CASKIN1: variants seen among roughly 807,000 people sequenced by gnomAD.
CASKIN1 encodes the protein caskin-1.
CASKIN1 carries 42 observed loss-of-function variants against 117.5 expected under a neutral mutation model. That is an observed-to-expected ratio of 0.36 (90% confidence interval 0.28 to 0.46). The LOEUF (loss-of-function observed/expected upper bound fraction) is 0.46, where lower values mean the gene tolerates loss of function less well. CASKIN1 is among the 20% of genes least tolerant of loss of function. The pLI is 1.00. For synonymous variants in CASKIN1, 1,148 were observed against 961.7 expected (o/e 1.19, Z -3.59); for missense variants, 2,083 against 2,077.3 (o/e 1.00, Z -0.05).
In CASKIN1 at chr16:2,179,238, G is replaced by A; in HGVS notation, c.3863C>T (p.Ala1288Val). Residue 1288 changes from alanine (A) to valine (V), a missense_variant, in exon 19 of 20, where the codon GCG becomes GTG. Ala to Val is a moderately conservative substitution (Grantham distance 64). This residue lies in a region of CASKIN1 where 1,818 missense variants were observed against 1,688.9 expected (regional missense o/e 1.08). Coordinates refer to ENST00000343516, the MANE Select transcript of CASKIN1 (RefSeq NM_020764.4). The surrounding 1 kb of genome is among the most constrained non-coding windows in gnomAD (Gnocchi z 5.8). ...GCCGGCGCTGCCCGAAGGCAGCCCC[G>A]CGACCGCCTTGACGGGCTTGGGCGC... is the stretch of plus-strand genomic sequence containing the variant. ...PTAPKPVKAVAGLPSGSAGPS... is the reference protein window; with the variant it reads ...PTAPKPVKAVVGLPSGSAGPS... The A allele has an allele frequency of 8.4e-7, 1 of 1,195,872 alleles. No individual in the cohort carries two copies. The highest frequency in any genetic ancestry group is 3.3e-4 in the Middle Eastern group (1 of 2,992). 74.1% of individuals were successfully genotyped at this position (1,195,872 alleles called of 1,614,324 possible). A position where few individuals can be genotyped will look rare whatever the true frequency, so the allele number is the denominator to read the frequency against.
chr16:2,181,249 G>A lies in CASKIN1; in HGVS notation c.2119C>T (p.Gln707Ter). The change falls in exon 18 of 20, where the codon CAG becomes TAG. Residue 707 changes from glutamine (Q) to a stop codon, truncating the protein, a stop_gained. Coordinates refer to ENST00000343516, the MANE Select transcript of CASKIN1 (RefSeq NM_020764.4). LOFTEE classifies it high-confidence loss of function. The part of the protein sequence containing the change: ...GGRARHMSSS[Q>*]ELLGDGPPGP... Reference sequence around the variant, plus strand: ...GGGGGCCCATCTCCCAGCAGCTCCTGCGAGCTGCTCATGTGCCGTGCCCGA... The same window carrying A: ...GGGGGCCCATCTCCCAGCAGCTCCTACGAGCTGCTCATGTGCCGTGCCCGA... 6.3e-7 allele frequency: 1 copy of A among 1,598,418 alleles called. No homozygotes were observed.
At position 2,183,884 on chromosome 16, in the gene CASKIN1, TG is replaced by T; in HGVS notation, c.1473del (p.Asn492ThrfsTer15). On this transcript the variant is annotated frameshift_variant, in exon 15 of 20. Transcript: ENST00000343516. LOFTEE classifies it high-confidence loss of function. ...AGGTCGTAGCCGGCGCTGATGAAGT[TG>T]GGGGCGTAGAGCTGCAGCTGGAACG... is the stretch of plus-strand genomic sequence containing the variant. The part of the protein sequence containing the change: ...LTAFQLQLYA[P>X]NFISAGYDLP... 2 of 1,612,238 alleles carry T rather than the reference TG, an allele frequency of 1.2e-6. No homozygotes were observed.
At chr16:2,194,735 C>G (rs958954710) in intron 1 of CASKIN1, among the ~76,000 whole-genome samples, 1 of 152,138 alleles carries the variant, frequency 6.6e-6, no homozygotes, top group Non-Finnish European at 1.5e-5. Context: ...TCCCAGAGGC[C>G]AGGCAAGACA....
chr16:2,196,404 G>A lies in CASKIN1; in HGVS notation c.29C>T (p.Ala10Val). 1.5e-6 allele frequency: 2 copies of A among 1,363,768 alleles called. No individual in the cohort carries two copies. The highest frequency in any genetic ancestry group is 2.3e-5 in the Admixed American group (1 of 42,832). 84.5% of individuals were successfully genotyped at this position (1,363,768 alleles called of 1,614,324 possible). MGKEQELVQ[A>V]VKAEDVGTAQ... ...GGTCCCTACGTCCTCCGCCTTCACCGCCTGCACCAGCTCCTGCTCCTTCCC... is the reference window on the plus strand; with the variant it reads ...GGTCCCTACGTCCTCCGCCTTCACCACCTGCACCAGCTCCTGCTCCTTCCC... The change falls in exon 1 of 20, where the codon GCG becomes GTG. Residue 10 changes from alanine to valine, a missense_variant. Coordinates refer to ENST00000343516, the MANE Select transcript of CASKIN1 (RefSeq NM_020764.4). The surrounding 1 kb of genome is among the most constrained non-coding windows in gnomAD (Gnocchi z 5.7).
intron 1 of CASKIN1, among the ~76,000 whole-genome samples, chr16:2,194,197 T>A (rs2093209170): frequency 6.6e-6 from 1 of 152,096 alleles, no homozygotes; most frequent in African/African-American, 2.4e-5. Context: ...CTCAGGGGTG[T>A]CCTCCACGGC....
chr16:2,177,893 G>A lies in CASKIN1; in HGVS notation c.*657C>T, dbSNP rs1344037077. 3 of 318,722 alleles carry A rather than the reference G, an allele frequency of 9.4e-6. No homozygotes were observed. Among genetic ancestry groups the A allele is most frequent in the East Asian group, 1.2e-4 (2 of 16,932 alleles). The allele number at this position is 318,722 out of a possible 1,614,324, so 19.7% of individuals were successfully genotyped here. On this transcript the variant is annotated 3_prime_UTR_variant, in exon 20 of 20. Transcript: ENST00000343516. ...CCCCGGGCCCCAGCCTTCCACCTGT[G>A]CTAGCAGCCTGGGGCCTCCACTCTG...
Position 2,184,979 on chromosome 16 carries a change from G to T in CASKIN1, c.1296C>A (p.Ser432Arg). The T allele has an allele frequency of 6.2e-7, 1 of 1,606,720 alleles. No homozygotes were observed. Among genetic ancestry groups the T allele is most frequent in the Non-Finnish European group, 8.5e-7 (1 of 1,174,750 alleles). ...CAGAGCCTTCCGGAGGCTTGGCGGG[G>T]CTGTCCCCCGGGCCGGACTCAGAGA... ...KSVSESGPGD[S>R]PAKPPEGSAG... is the part of the protein sequence containing the mutation. Residue 432 changes from serine (S) to arginine (R), a missense_variant, in exon 13 of 20, where the codon AGC becomes AGA. By Grantham distance (110) the Ser-to-Arg change is moderately radical. Coordinates refer to ENST00000343516, the MANE Select transcript of CASKIN1 (RefSeq NM_020764.4).
chr16:2,179,513 A>G lies in CASKIN1; in HGVS notation c.3775+80T>C. 1 of 1,395,294 alleles carries G rather than the reference A, an allele frequency of 7.2e-7. No homozygotes were observed. The highest frequency in any genetic ancestry group is 9.3e-7 in the Non-Finnish European group (1 of 1,075,880). 86.4% of individuals were successfully genotyped at this position (1,395,294 alleles called of 1,614,324 possible). A position where few individuals can be genotyped will look rare whatever the true frequency, so the allele number is the denominator to read the frequency against. On this transcript the variant is annotated intron_variant, in intron 18 of 19. Transcript: ENST00000343516. The surrounding 1 kb of genome is among the most constrained non-coding windows in gnomAD (Gnocchi z 5.8). ...ACCTGGGCTTCCATCAAACCCAAGA[A>G]AAGGAAAACCCCTCAGACCACCGAG...
intron 3 of CASKIN1, 32 bp from the exon 4 acceptor site, chr16:2,189,596 C>T (rs2093195108): frequency 6.4e-7 from 1 of 1,567,582 alleles, no homozygotes; most frequent in Non-Finnish European, 8.6e-7. Flanking sequence ...GGAGCTGACC[C>T]TTGACCCCAA....
Position 2,179,472 on chromosome 16 carries a change from G to A in CASKIN1, c.3775+121C>T. Reference sequence around the variant, plus strand: ...CCCTGGATGGATGAGAGGGTCTGGGGACACGTTCCCACCCCACCTGGGCTT... The same window carrying A: ...CCCTGGATGGATGAGAGGGTCTGGGAACACGTTCCCACCCCACCTGGGCTT... On this transcript the variant is annotated intron_variant, in intron 18 of 19. Transcript: ENST00000343516. The surrounding 1 kb of genome is among the most constrained non-coding windows in gnomAD (Gnocchi z 5.8). 7.2e-7 allele frequency: 1 copy of A among 1,391,112 alleles called. No individual in the cohort carries two copies. The allele number at this position is 1,391,112 out of a possible 1,614,324, so 86.2% of individuals were successfully genotyped here. A position where few individuals can be genotyped will look rare whatever the true frequency, so the allele number is the denominator to read the frequency against.
chr16:2,195,223 G>C (rs1042001704), intron 1 of CASKIN1, among the ~76,000 whole-genome samples: 5 of 152,228 alleles, frequency 3.3e-5, no homozygotes, highest in Admixed American at 6.5e-5. Context: ...GAGCTAGCCA[G>C]TCATGGGCTG....
Position 2,181,253 on chromosome 16 carries a change from G to A in CASKIN1, c.2115C>T (p.Ser705=), listed in dbSNP as rs984579167. 1.9e-6 allele frequency: 3 copies of A among 1,599,324 alleles called. No homozygotes were observed. Among genetic ancestry groups the A allele is most frequent in the Non-Finnish European group, 2.5e-6 (3 of 1,178,534 alleles). ...GCCCATCTCCCAGCAGCTCCTGCGA[G>A]CTGCTCATGTGCCGTGCCCGACCAC... ...SLGGRARHMS[S]SQELLGDGPP... Residue 705 remains serine (S), a synonymous_variant, in exon 18 of 20, where the codon AGC becomes AGT. Coordinates refer to ENST00000343516, the MANE Select transcript of CASKIN1 (RefSeq NM_020764.4).
rs376389325 is a variant in CASKIN1, at chr16:2,189,256, G to A, written c.468C>T (p.Cys156=). 5.0e-5 allele frequency: 81 copies of A among 1,613,114 alleles called. No individual in the cohort carries two copies. The highest frequency in any genetic ancestry group is 1.6e-4 in the Middle Eastern group (1 of 6,074). ...GACTCACCCCAACGCGGCCGAACTC[G>A]CAGGCCAGGTCCAGGGGCGTCTTCC... is the stretch of plus-strand genomic sequence containing the variant. ...NSGKTPLDLA[C]EFGRVGVVQL... The change falls in exon 5 of 20, where the codon TGC becomes TGT. Residue 156 remains cysteine, a synonymous_variant. Coordinates refer to ENST00000343516, the MANE Select transcript of CASKIN1 (RefSeq NM_020764.4).
intron 14 of CASKIN1, among the ~76,000 whole-genome samples, 169 bp downstream of exon 14, chr16:2,184,608 C>G (rs2093178195): frequency 6.6e-6 from 1 of 152,220 alleles, no homozygotes; most frequent in African/African-American, 2.4e-5. Flanking sequence ...TACACACAGG[C>G]AGACACACAC....
chr16:2,190,658 C>T (rs1596693726), intron 1 of CASKIN1, among the ~76,000 whole-genome samples: 1 of 152,310 alleles, frequency 6.6e-6, no homozygotes, highest in East Asian at 1.9e-4. Context: ...AGGCTGTGCA[C>T]CCACACAGGC....
intron 1 of CASKIN1, among the ~76,000 whole-genome samples, chr16:2,192,598 C>T (rs1272318610): frequency 6.6e-6 from 1 of 152,146 alleles, no homozygotes; most frequent in African/African-American, 2.4e-5. Flanking sequence ...CCTCCTCTTC[C>T]CTAGTTAACC....
At chr16:2,186,917 G>C (rs1026266626) in intron 9 of CASKIN1, 61 bp downstream of exon 9, 12 of 1,602,950 alleles carry the variant, frequency 7.5e-6, no homozygotes, top group African/African-American at 1.3e-5. Context: ...GGGTGTTCTG[G>C]GGTGCGCACG....
rs765353650 is a variant in CASKIN1, at chr16:2,178,996, C to A, written c.4105G>T (p.Ala1369Ser). 100 of 1,330,136 alleles carry A rather than the reference C, an allele frequency of 7.5e-5. No individual in the cohort carries two copies. The highest frequency in any genetic ancestry group is 8.4e-5 in the Non-Finnish European group (87 of 1,039,716). The allele number at this position is 1,330,136 out of a possible 1,614,324, so 82.4% of individuals were successfully genotyped here. The change falls in exon 19 of 20, where the codon GCC becomes TCC. Residue 1369 changes from alanine (A) to serine (S), a missense_variant. Around this residue, in one of 3 missense-constraint regions of CASKIN1, gnomAD observed 1,818 missense variants for 1,688.9 expected, o/e 1.08. Coordinates refer to ENST00000343516, the MANE Select transcript of CASKIN1 (RefSeq NM_020764.4). ...PPEGASPGDS[A>S]RQKLEETSAC... ...CTTGTCTCCTCCAGTTTCTGCCGGGCGCTGTCCCCTGGCGAGGCGCCTTCG... is the reference window on the plus strand; with the variant it reads ...CTTGTCTCCTCCAGTTTCTGCCGGGAGCTGTCCCCTGGCGAGGCGCCTTCG...
chr16:2,193,517 T>G (rs1249205880), intron 1 of CASKIN1, among the ~76,000 whole-genome samples: 2 of 152,130 alleles, frequency 1.3e-5, no homozygotes, highest in African/African-American at 4.8e-5. Flanking sequence ...AGCTCCAGGG[T>G]GGACAGCCCT....
Sources: allele counts gnomAD v4.1 joint callset (sites outside exome capture counted in the v4.1 genomes callset), GRCh38; gene constraint gnomAD v4.1.1; regional missense constraint gnomAD v4.1.1; non-coding constraint Gnocchi (gnomAD v3.1); transcripts MANE v1.5; gene names NCBI Gene and HGNC (gene_info 2026-07-23, HGNC 2026-07-21).